PLAC1: variants seen among roughly 807,000 people sequenced by gnomAD.
The protein encoded by PLAC1 is placenta-specific protein 1.
For synonymous variants in PLAC1, 68 were observed against 62.1 expected, an observed-to-expected ratio of 1.09 and a Z score of -0.44; for missense variants, 136 against 163.2, an observed-to-expected ratio of 0.83 and a Z score of 0.91.
At chrX:134,678,732 C>T (rs1031199024) in intron 2 of PLAC1, among the ~76,000 whole-genome samples, 1 of 111,843 alleles carries the variant, frequency 8.9e-6, no homozygotes, top group Non-Finnish European at 1.9e-5. Context: ...TGAATGATGG[C>T]CCCTAAAAAG....
At chrX:134,618,869 A>G (rs1344674658) in intron 1 of PLAC1, among the ~76,000 whole-genome samples, 1 of 112,675 alleles carries the variant, frequency 8.9e-6, no homozygotes, top group East Asian at 2.8e-4. Context: ...TCTGCCTTAT[A>G]GGCTGTACTC....
chrX:134,629,150 G>C (rs1454483253), intron 1 of PLAC1, among the ~76,000 whole-genome samples: 1 of 111,812 alleles, frequency 8.9e-6, no homozygotes, highest in African/African-American at 3.3e-5. Flanking sequence ...GCTCCGGTTA[G>C]ATGTGATGGC....
chrX:134,667,728 C>A (rs1231551641), intron 2 of PLAC1, among the ~76,000 whole-genome samples: 1 of 110,356 alleles, frequency 9.1e-6, no homozygotes, highest in African/African-American at 3.3e-5. Context: ...TGAGATCCGC[C>A]TGGGCTATGC....
chrX:134,656,622 T>C (rs1022970522), intron 1 of PLAC1, among the ~76,000 whole-genome samples: 1 of 111,378 alleles, frequency 9.0e-6, no homozygotes, highest in African/African-American at 3.3e-5. Context: ...TTGTGCTCTG[T>C]CCCCCAGGCT....
At chrX:134,655,942 C>T (rs988697117) in intron 1 of PLAC1, among the ~76,000 whole-genome samples, 5 of 111,558 alleles carry the variant, frequency 4.5e-5, no homozygotes, top group African/African-American at 1.6e-4. Context: ...TCAGCCAGTT[C>T]CCAAGTCTGT....
At chrX:134,757,782 G>GTA (rs933465766) in intron 1 of PLAC1, among the ~76,000 whole-genome samples, 86 of 109,735 alleles carry the variant, frequency 7.8e-4, no homozygotes, top group African/African-American at 2.6e-3. Context: ...CATAAAATAT[G>GTA]TATATATATA....
At chrX:134,594,853 C>CT (rs2078055293) in intron 2 of PLAC1, among the ~76,000 whole-genome samples, 1 of 107,623 alleles carries the variant, frequency 9.3e-6, no homozygotes, top group South Asian at 3.9e-4. Context: ...TATTGTTTTC[C>CT]TTTTTTTCAA....
chrX:134,692,357 T>C (rs1308282419), intron 2 of PLAC1, among the ~76,000 whole-genome samples: 1 of 111,820 alleles, frequency 8.9e-6, no homozygotes, highest in East Asian at 2.8e-4. Flanking sequence ...CTCTGGGCTC[T>C]GAGGAAGCTG....
intron 1 of PLAC1, among the ~76,000 whole-genome samples, chrX:134,614,516 T>C (rs1014612325): frequency 8.1e-5 from 9 of 111,535 alleles, no homozygotes; most frequent in Non-Finnish European, 1.7e-4. Flanking sequence ...CTTAGCCTAA[T>C]GTCTTCCAGG....
chrX:134,666,447 C>G (rs1426319709), intron 2 of PLAC1, among the ~76,000 whole-genome samples: 1 of 111,242 alleles, frequency 9.0e-6, no homozygotes. Flanking sequence ...AAAAATGAAA[C>G]CAAACCTCTC....
At chrX:134,650,102 AC>A (rs2078354974) in intron 1 of PLAC1, among the ~76,000 whole-genome samples, 1 of 112,119 alleles carries the variant, frequency 8.9e-6, no homozygotes, top group South Asian at 3.7e-4. Flanking sequence ...TCAGTCTATT[AC>A]CATTAGATCA....
chrX:134,634,947 G>A (rs1175411048), intron 1 of PLAC1, among the ~76,000 whole-genome samples: 1 of 111,606 alleles, frequency 9.0e-6, no homozygotes, highest in East Asian at 2.8e-4. Context: ...TTTCCAAACA[G>A]TTTTGCAAAG....
chrX:134,607,290 C>T (rs151146457), intron 1 of PLAC1: 60 of 145,562 alleles, frequency 4.1e-4, no homozygotes, highest in Non-Finnish European at 7.7e-4. Flanking sequence ...GGAATGGGCA[C>T]TGTTCAGAAA....
At chrX:134,581,718 A>G (rs1437903375) in intron 2 of PLAC1, among the ~76,000 whole-genome samples, 1 of 110,408 alleles carries the variant, frequency 9.1e-6, no homozygotes, top group Non-Finnish European at 1.9e-5. Flanking sequence ...ACCTCAAGTG[A>G]TCCACCCGCC....
At position 134,566,614 on chromosome X, in the gene PLAC1, T is replaced by C; in HGVS notation, c.69A>G (p.Gln23=). 1.7e-6 allele frequency: 2 copies of C among 1,210,124 alleles called. No homozygotes were observed. The highest frequency in any genetic ancestry group is 2.2e-6 in the Non-Finnish European group (2 of 894,214). ...LTSAFSAGSG[Q]SPMTVLCSID... Reference sequence around the variant, plus strand: ...TGGAGCACAGCACAGTCATTGGACTTTGTCCTGAACCGGCTGAAAACGCAG... The same window carrying C: ...TGGAGCACAGCACAGTCATTGGACTCTGTCCTGAACCGGCTGAAAACGCAG... Residue 23 remains glutamine, a synonymous_variant, in exon 3 of 3, where the codon CAA becomes CAG. Coordinates refer to ENST00000359237, the MANE Select transcript of PLAC1 (RefSeq NM_021796.4).
In PLAC1 at chrX:134,682,689, G is replaced by T. The variant is rs1378101445; in HGVS notation, n.174+50746C>A. Among the ~76,000 whole-genome samples, 4 of 110,862 alleles carry T rather than the reference G, an allele frequency of 3.6e-5. No homozygotes were observed. The Admixed American group carries it at 3.8e-4, about 11-fold the overall frequency. ...TCCTGTCTCAGCCTCCTTAGTAGAT[G>T]TAATTACAGGTGCCCACCACCACGC... is the stretch of plus-strand genomic sequence containing the variant. On this transcript the variant is annotated intron_variant and non_coding_transcript_variant, in intron 2 of 2. Transcript: ENST00000466797.
intron 1 of PLAC1, among the ~76,000 whole-genome samples, chrX:134,646,273 C>T (rs535178180): frequency 9.0e-6 from 1 of 111,652 alleles, no homozygotes; most frequent in African/African-American, 3.3e-5. Context: ...ACTTGCTTTC[C>T]GGCAATTCTT....
intron 1 of PLAC1, among the ~76,000 whole-genome samples, chrX:134,651,753 C>T (rs1466652860): frequency 9.7e-6 from 1 of 102,878 alleles, no homozygotes; most frequent in Admixed American, 1.1e-4. Flanking sequence ...CTCTGTCCTC[C>T]TCATGCCCTC....
chrX:134,632,835 A>G (rs1052824859), intron 1 of PLAC1, among the ~76,000 whole-genome samples: 9 of 111,381 alleles, frequency 8.1e-5, no homozygotes, highest in African/African-American at 2.9e-4. Flanking sequence ...ACCAGTGTTG[A>G]GGGGAGGCTG....
Sources: gnomAD v4.1 joint callset for allele counts (sites outside exome capture counted in the v4.1 genomes callset) on GRCh38, gnomAD v4.1.1 for gene constraint, MANE v1.5 for transcripts, NCBI Gene and HGNC (gene_info 2026-07-23, HGNC 2026-07-21) for gene names.